BMPR1A: variants seen among roughly 807,000 people sequenced by gnomAD.
The protein encoded by BMPR1A is bone morphogenetic protein receptor type-1A.
BMPR1A carries 7 observed loss-of-function variants against 66.0 expected under a neutral mutation model. The ratio of observed to expected loss-of-function variants is 0.11; its 90% confidence interval spans 0.06 to 0.20. The LOEUF is 0.20. BMPR1A is among the 10% of genes least tolerant of loss of function. BMPR1A has a pLI of 1.00. For synonymous variants in BMPR1A, 200 were observed against 229.7 expected (o/e 0.87, Z 1.17); for missense variants, 408 against 669.1 (o/e 0.61, Z 4.31).
chr10:86,873,974 A>T (rs1411080225), intron 2 of BMPR1A, among the ~76,000 whole-genome samples: 1 of 152,230 alleles, frequency 6.6e-6, no homozygotes, highest in Non-Finnish European at 1.5e-5. Flanking sequence ...AGTACTGTGA[A>T]TAACTTTGGA....
At chr10:86,876,564 A>G (rs568759056) in intron 3 of BMPR1A, among the ~76,000 whole-genome samples, 15 of 152,258 alleles carry the variant, frequency 9.9e-5, no homozygotes, top group Non-Finnish European at 2.1e-4. Flanking sequence ...TGGGCGGATC[A>G]TGAGGTCAGG....
intron 1 of BMPR1A, among the ~76,000 whole-genome samples, chr10:86,774,520 G>C (rs1413278559): frequency 1.3e-5 from 2 of 152,124 alleles, no homozygotes; most frequent in East Asian, 3.9e-4. Context: ...AAAAAGAATT[G>C]ATGATTCTTA....
chr10:86,857,617 G>A (rs930158855), intron 2 of BMPR1A, among the ~76,000 whole-genome samples: 11 of 151,730 alleles, frequency 7.2e-5, no homozygotes, highest in Non-Finnish European at 1.5e-4. Flanking sequence ...AGCCTGACTC[G>A]GGGAGAATAC....
intron 7 of BMPR1A, among the ~76,000 whole-genome samples, chr10:86,904,740 G>A (rs895035498): frequency 1.6e-4 from 24 of 152,160 alleles, no homozygotes; most frequent in African/African-American, 5.8e-4. Context: ...CTACTCATCT[G>A]AGACTCAGGC....
chr10:86,773,452 G>T (rs1841296856), intron 1 of BMPR1A, among the ~76,000 whole-genome samples: 1 of 152,046 alleles, frequency 6.6e-6, no homozygotes, highest in South Asian at 2.1e-4. Context: ...AATTAGCTGG[G>T]CATGGTGGCG....
At chr10:86,859,461 C>T (rs528460349) in intron 2 of BMPR1A, among the ~76,000 whole-genome samples, 151 of 151,966 alleles carry the variant, frequency 9.9e-4, no homozygotes, top group East Asian at 4.1e-3. Context: ...GAGCCATTAG[C>T]GCCCAGCTAA....
chr10:86,929,075 T>TTA (rs1843784425), downstream of BMPR1A: 1 of 152,108 alleles, frequency 6.6e-6, no homozygotes, highest in Non-Finnish European at 1.5e-5. Flanking sequence ...GAGTAATTTC[T>TTA]GTGCTCAATC....
chr10:86,872,853 C>G (rs1842869293), intron 2 of BMPR1A, among the ~76,000 whole-genome samples: 1 of 152,102 alleles, frequency 6.6e-6, no homozygotes, highest in Admixed American at 6.5e-5. Flanking sequence ...TTTCTGGGCT[C>G]AAGTGATCCT....
At chr10:86,771,701 A>G (rs1174879979) in intron 1 of BMPR1A, among the ~76,000 whole-genome samples, 3 of 152,218 alleles carry the variant, frequency 2.0e-5, no homozygotes, top group African/African-American at 4.8e-5. Flanking sequence ...CTCTTTTAAT[A>G]TTTAAAACGT....
At chr10:86,810,728 C>T (rs1841957538) in intron 1 of BMPR1A, among the ~76,000 whole-genome samples, 1 of 152,178 alleles carries the variant, frequency 6.6e-6, no homozygotes. Flanking sequence ...GTCTGAGATT[C>T]TTTGCTCATT....
chr10:86,828,576 T>G (rs760410413), intron 1 of BMPR1A, among the ~76,000 whole-genome samples: 1 of 152,220 alleles, frequency 6.6e-6, no homozygotes, highest in African/African-American at 2.4e-5. Flanking sequence ...TGAATTTCTT[T>G]ATGTGTTGAG....
intron 1 of BMPR1A, among the ~76,000 whole-genome samples, chr10:86,787,887 C>A (rs1159163079): frequency 1.3e-5 from 2 of 151,768 alleles, no homozygotes; most frequent in African/African-American, 4.8e-5. Flanking sequence ...AATCTGCCCC[C>A]CCCCATAATC....
At position 86,892,008 on chromosome 10, in the gene BMPR1A, C is replaced by T. The variant is rs1236469653; in HGVS notation, c.231-119C>T. On this transcript the variant is annotated intron_variant, in intron 4 of 12. Coordinates refer to ENST00000372037, the MANE Select transcript of BMPR1A (RefSeq NM_004329.3). ...CAATAAATCACGTGTGAATGCAATT[C>T]TAAGTCACAAAACAAAGTATTAAAG... is the stretch of plus-strand genomic sequence containing the variant. 6.4e-6 allele frequency: 5 copies of T among 778,902 alleles called. No homozygotes were observed. In the Admixed American group the frequency reaches 8.2e-5, roughly 13 times the overall value. The allele number at this position is 778,902 out of a possible 1,614,324, so 48.2% of individuals were successfully genotyped here. A position where few individuals can be genotyped will look rare whatever the true frequency, so the allele number is the denominator to read the frequency against.
chr10:86,815,654 T>C (rs1286335529), intron 1 of BMPR1A, among the ~76,000 whole-genome samples: 2 of 152,120 alleles, frequency 1.3e-5, no homozygotes, highest in East Asian at 3.9e-4. Flanking sequence ...CAAACACTGG[T>C]TTAAAAATCT....
At chr10:86,790,366 C>T (rs1036480628) in intron 1 of BMPR1A, among the ~76,000 whole-genome samples, 2 of 150,996 alleles carry the variant, frequency 1.3e-5, no homozygotes, top group Non-Finnish European at 2.9e-5. Flanking sequence ...AATATAAAAT[C>T]GTGCAGCTGG....
At chr10:86,805,492 C>A (rs1456686260) in intron 1 of BMPR1A, among the ~76,000 whole-genome samples, 1 of 134,528 alleles carries the variant, frequency 7.4e-6, no homozygotes, top group African/African-American at 2.7e-5. Flanking sequence ...GACGGAGTCT[C>A]GCTCTGTCGC....
At chr10:86,846,841 G>T (rs993611244) in intron 2 of BMPR1A, among the ~76,000 whole-genome samples, 1 of 152,106 alleles carries the variant, frequency 6.6e-6, no homozygotes, top group Non-Finnish European at 1.5e-5. Flanking sequence ...AGAAAAAGAG[G>T]CTGTTTAGTC....
At chr10:86,797,299 C>T (rs1000347281) in intron 1 of BMPR1A, among the ~76,000 whole-genome samples, 18 of 146,090 alleles carry the variant, frequency 1.2e-4, no homozygotes, top group South Asian at 6.5e-4. Flanking sequence ...GGCCCAATCT[C>T]GGTTCACTGC....
chr10:86,795,934 AG>A (rs1218775925), intron 1 of BMPR1A, among the ~76,000 whole-genome samples: 14 of 152,130 alleles, frequency 9.2e-5, no homozygotes, highest in African/African-American at 3.4e-4. Context: ...TTATATTTTG[AG>A]GGGAAAAAAA....
Sources: allele counts gnomAD v4.1 joint callset (sites outside exome capture counted in the v4.1 genomes callset), GRCh38; gene constraint gnomAD v4.1.1; transcripts MANE v1.5; gene names NCBI Gene and HGNC (gene_info 2026-07-23, HGNC 2026-07-21).